FBXO33: variants seen among roughly 807,000 people sequenced by gnomAD.
The protein encoded by FBXO33 is F-box only protein 33.
A neutral mutation model predicts 46.3 loss-of-function variants in FBXO33; 22 were observed. The ratio of observed to expected loss-of-function variants is 0.48; its 90% CI spans 0.34 to 0.68. The LOEUF (loss-of-function observed/expected upper bound fraction) is 0.68. Ranked by LOEUF, FBXO33 falls within the 30% of genes least tolerant of loss-of-function variation. The pLI is 0.01. For missense variants in FBXO33, 692 were observed against 708.8 expected, an observed-to-expected ratio of 0.98 and a Z score of 0.27; for synonymous variants, 337 against 291.3, an observed-to-expected ratio of 1.16 and a Z score of -1.60.
chr14:39,411,535 T>C (rs947500858), intron 1 of FBXO33, among the ~76,000 whole-genome samples: 3 of 152,032 alleles, frequency 2.0e-5, no homozygotes, highest in Non-Finnish European at 4.4e-5. Context: ...CCCTTTTTTT[T>C]TCTTGAGACA....
chr14:39,399,926 A>G (rs2139399395), intron 3 of FBXO33, 139 bp from the exon 4 acceptor site: 1 of 984,716 alleles, frequency 1.0e-6, no homozygotes, highest in East Asian at 2.7e-5. Context: ...TTTTTCCTTT[A>G]GAAATATATT....
intron 1 of FBXO33, among the ~76,000 whole-genome samples, chr14:39,403,251 C>T (rs186409690): frequency 1.3e-5 from 2 of 152,270 alleles, no homozygotes; most frequent in Admixed American, 1.3e-4. Context: ...TAAAGAGAAC[C>T]TTCTCCAGTT....
rs34785385 is a variant in FBXO33, at chr14:39,411,716, T to G, written c.600-9205A>C. Among the ~76,000 whole-genome samples the G allele has an allele frequency of 5.3e-5, 8 of 152,070 alleles. No homozygotes were observed. In the East Asian group the frequency reaches 1.5e-3, roughly 29 times the overall value. On this transcript the variant is annotated intron_variant, in intron 1 of 3. Transcript: ENST00000298097. ...TTTTGTATTTTTAGTAGAGACAGGG[T>G]TTCACAATGTTGGTCAGGATGGTCT...
At chr14:39,410,949 C>T (rs1395212048) in intron 1 of FBXO33, among the ~76,000 whole-genome samples, 1 of 149,598 alleles carries the variant, frequency 6.7e-6, no homozygotes, top group African/African-American at 2.5e-5. Context: ...AAGCAATGCC[C>T]AGCTTTGTTA....
chr14:39,402,686 T>G (rs112670671), intron 1 of FBXO33, among the ~76,000 whole-genome samples, 175 bp from the exon 2 acceptor site: 16 of 139,902 alleles, frequency 1.1e-4, no homozygotes, highest in African/African-American at 4.3e-4. Context: ...GATTTTTTTT[T>G]TTTTTTTTTT....
chr14:39,428,057 T>C (rs999766510), intron 1 of FBXO33, among the ~76,000 whole-genome samples: 2 of 152,212 alleles, frequency 1.3e-5, no homozygotes, highest in East Asian at 1.9e-4. Context: ...GTATTATTAA[T>C]AGATCCTTTT....
chr14:39,408,993 T>G (rs2075410923), intron 1 of FBXO33, among the ~76,000 whole-genome samples: 1 of 151,978 alleles, frequency 6.6e-6, no homozygotes, highest in Admixed American at 6.6e-5. Context: ...TCCAGGCTGG[T>G]CTCGAGCTCC....
At chr14:39,414,788 A>G (rs1305270593) in intron 1 of FBXO33, among the ~76,000 whole-genome samples, 3 of 152,108 alleles carry the variant, frequency 2.0e-5, no homozygotes, top group South Asian at 2.1e-4. Context: ...CAGCCTCCCA[A>G]GTAGATGGGA....
chr14:39,403,457 G>A lies in FBXO33; in HGVS notation c.600-946C>T, dbSNP rs533330854. ...ATGAAAATACAAAAATTGGCTGGGC[G>A]TGGTGGTACATGCCTGGAATCCCAG... is the stretch of plus-strand genomic sequence containing the variant. On this transcript the variant is annotated intron_variant, in intron 1 of 3. Transcript: ENST00000298097. Among the ~76,000 whole-genome samples, 13 of 152,300 alleles carry A rather than the reference G, an allele frequency of 8.5e-5. No homozygotes were observed. The East Asian group carries it at 9.7e-4, about 11-fold the overall frequency.
At chr14:39,421,001 A>G (rs2075480195) in intron 1 of FBXO33, among the ~76,000 whole-genome samples, 1 of 152,178 alleles carries the variant, frequency 6.6e-6, no homozygotes. Context: ...TCAAGAACAC[A>G]TCCACTCCGC....
intron 1 of FBXO33, among the ~76,000 whole-genome samples, chr14:39,405,449 T>C (rs963798347): frequency 3.3e-5 from 5 of 151,300 alleles, no homozygotes; most frequent in African/African-American, 1.2e-4. Flanking sequence ...ACAGTTTCTT[T>C]CTTACTGGGA....
intron 1 of FBXO33, among the ~76,000 whole-genome samples, chr14:39,417,571 C>T (rs2075454726): frequency 6.6e-6 from 1 of 151,652 alleles, no homozygotes; most frequent in South Asian, 2.1e-4. Flanking sequence ...TGCTCTGTTG[C>T]CCAGGCTGGA....
intron 1 of FBXO33, 90 bp downstream of exon 1, chr14:39,431,474 G>A (rs962653791): frequency 1.3e-6 from 2 of 1,576,396 alleles, no homozygotes; most frequent in Non-Finnish European, 1.7e-6. Flanking sequence ...GAAGTTGGCC[G>A]GGCACGTATT....
rs149090376 is a variant in FBXO33, at chr14:39,401,529, T to C, written c.1043A>G (p.His348Arg). 2.5e-6 allele frequency: 4 copies of C among 1,614,202 alleles called. No individual in the cohort carries two copies. In the South Asian group the frequency reaches 3.3e-5, roughly 13 times the overall value. The change falls in exon 3 of 4, where the codon CAC (histidine) becomes CGC (arginine). Residue 348 changes from histidine (H) to arginine (R), a missense_variant. Around this residue, in one of 3 missense-constraint regions of FBXO33, gnomAD observed 186 missense variants for 246.1 expected, o/e 0.76. Coordinates refer to ENST00000298097, the MANE Select transcript of FBXO33 (RefSeq NM_203301.4). Reference protein sequence around the residue: ...SLLVHNVSVMHKSLDNMPNDE... With the variant: ...SLLVHNVSVMRKSLDNMPNDE... ...ATTTGGCATGTTGTCCAGAGACTTG[T>C]GCATTACAGAAACATTGTGAACCAG...
chr14:39,431,523 C>A (rs368607185), intron 1 of FBXO33, 41 bp downstream of exon 1: 2 of 1,604,160 alleles, frequency 1.2e-6, no homozygotes, highest in African/African-American at 1.3e-5. Context: ...GACGGAGCGA[C>A]CCCCCGTTAC....
intron 1 of FBXO33, among the ~76,000 whole-genome samples, chr14:39,424,699 G>C (rs989488181): frequency 6.6e-6 from 1 of 152,072 alleles, no homozygotes; most frequent in African/African-American, 2.4e-5. Context: ...CCTTATATGA[G>C]AGTTAATATA....
intron 3 of FBXO33, 77 bp downstream of exon 3, chr14:39,401,093 AAAGGTC>A: frequency 8.0e-7 from 1 of 1,244,088 alleles, no homozygotes; most frequent in Non-Finnish European, 1.1e-6. Context: ...TTGATACTAT[AAAGGTC>A]AGTGCTATCT....
chr14:39,424,450 G>T (rs1053259764), intron 1 of FBXO33, among the ~76,000 whole-genome samples: 11 of 152,224 alleles, frequency 7.2e-5, no homozygotes, highest in Admixed American at 7.2e-4. Flanking sequence ...CTAACACAGG[G>T]TCTGGCATTC....
Position 39,432,097 on chromosome 14 carries a change from G to A in FBXO33, c.66C>T (p.Ala22=). ...PPGARTRAGA[A]RVARWRRLRL... is the part of the protein sequence containing the mutation. Reference sequence around the variant, plus strand: ...GCAGCCGCCGCCACCGCGCCACCCGGGCGGCCCCGGCTCGGGTTCGAGCTC... The same window carrying A: ...GCAGCCGCCGCCACCGCGCCACCCGAGCGGCCCCGGCTCGGGTTCGAGCTC... Residue 22 remains alanine (A), a synonymous_variant, in exon 1 of 4, where the codon GCC becomes GCT. Coordinates refer to ENST00000298097, the MANE Select transcript of FBXO33 (RefSeq NM_203301.4). The A allele has an allele frequency of 8.0e-7, 1 of 1,242,632 alleles. No individual in the cohort carries two copies. The highest frequency in any genetic ancestry group is 4.3e-5 in the Admixed American group (1 of 23,512). The allele number at this position is 1,242,632 out of a possible 1,614,324, so 77.0% of individuals were successfully genotyped here.
Sources: gnomAD v4.1 joint callset for allele counts (sites outside exome capture counted in the v4.1 genomes callset) on GRCh38, gnomAD v4.1.1 for gene constraint, gnomAD v4.1.1 regional missense constraint, MANE v1.5 for transcripts, NCBI Gene and HGNC (gene_info 2026-07-23, HGNC 2026-07-21) for gene names.